Variants in SLC4A10 observed in about 807,000 individuals in gnomAD.
SLC4A10 encodes sodium-driven chloride bicarbonate exchanger.
A neutral mutation model predicts 137.7 loss-of-function variants in SLC4A10; 42 were observed. That is an observed-to-expected ratio of 0.30 (90% confidence interval 0.24 to 0.39). The LOEUF is 0.39. Among genes scored for constraint, SLC4A10 ranks in the 10% least tolerant of loss-of-function variants. The pLI is 1.00. For synonymous variants in SLC4A10, 474 were observed against 464.1 expected (o/e 1.02, Z -0.27); for missense variants, 925 against 1,355.0 (o/e 0.68, Z 4.98).
chr2:161,628,144 A>G, intron 1 of SLC4A10, among the ~76,000 whole-genome samples: 1 of 152,088 alleles, frequency 6.6e-6, no homozygotes, highest in Non-Finnish European at 1.5e-5. Flanking sequence ...TTCCTTTGAT[A>G]TTCAATGTTG....
intron 1 of SLC4A10, among the ~76,000 whole-genome samples, chr2:161,675,473 C>A (rs916264837): frequency 1.3e-5 from 2 of 152,102 alleles, no homozygotes; most frequent in Admixed American, 6.6e-5. Flanking sequence ...AAATTAACTT[C>A]ATTGATGTTT....
At chr2:161,873,615 C>G (rs955974421) in intron 7 of SLC4A10, among the ~76,000 whole-genome samples, 1 of 148,668 alleles carries the variant, frequency 6.7e-6, no homozygotes, top group African/African-American at 2.5e-5. Flanking sequence ...GTTAACAATT[C>G]TCTTTATCTG....
chr2:161,929,802 C>T (rs1689987891), intron 15 of SLC4A10, among the ~76,000 whole-genome samples: 1 of 151,810 alleles, frequency 6.6e-6, no homozygotes, highest in Non-Finnish European at 1.5e-5. Context: ...GAACCTGAGC[C>T]TTAAGAGATT....
chr2:161,902,799 G>A (rs62188819), intron 12 of SLC4A10, among the ~76,000 whole-genome samples: 1 of 151,964 alleles, frequency 6.6e-6, no homozygotes, highest in Non-Finnish European at 1.5e-5. Context: ...CAAATTCTAA[G>A]GAGAATTTAT....
At chr2:161,835,279 C>T (rs149235385) in intron 3 of SLC4A10, among the ~76,000 whole-genome samples, 2,181 of 152,150 alleles carry the variant, frequency 0.014, 25 homozygotes, top group Non-Finnish European at 0.022. Context: ...CCTTGTGATC[C>T]GTCCACCTCG....
At chr2:161,962,823 G>T (rs77543478) in intron 21 of SLC4A10, among the ~76,000 whole-genome samples, 3,557 of 152,124 alleles carry the variant, frequency 0.023, 131 homozygotes, top group African/African-American at 0.08. Flanking sequence ...TATACAAGCA[G>T]GTCTTGGTAA....
At chr2:161,851,607 A>C (rs1207248247) in intron 4 of SLC4A10, among the ~76,000 whole-genome samples, 2 of 152,158 alleles carry the variant, frequency 1.3e-5, no homozygotes, top group African/African-American at 4.8e-5. Flanking sequence ...ATGCTTTGTC[A>C]CTTATTTAGT....
intron 1 of SLC4A10, among the ~76,000 whole-genome samples, chr2:161,731,978 T>C (rs1319813911): frequency 1.3e-5 from 2 of 152,194 alleles, no homozygotes; most frequent in Admixed American, 6.5e-5. Flanking sequence ...CCTTTATATT[T>C]ACCAGTTTAT....
intron 26 of SLC4A10, among the ~76,000 whole-genome samples, chr2:161,981,693 G>A (rs1305892543): frequency 6.6e-6 from 1 of 152,210 alleles, no homozygotes; most frequent in Non-Finnish European, 1.5e-5. Context: ...ACAGATAGAG[G>A]AGTTAAAAAT....
At chr2:161,934,484 A>G (rs55885919) in intron 15 of SLC4A10, among the ~76,000 whole-genome samples, 10,212 of 152,290 alleles carry the variant, frequency 0.067, 444 homozygotes, top group East Asian at 0.13. Flanking sequence ...TCATGTTGAC[A>G]CAAATGACAG....
intron 3 of SLC4A10, among the ~76,000 whole-genome samples, chr2:161,825,188 T>G (rs1011986172): frequency 1.3e-5 from 2 of 152,178 alleles, no homozygotes; most frequent in African/African-American, 4.8e-5. Context: ...TCAAAAGTTA[T>G]ATACAGATTT....
intron 15 of SLC4A10, among the ~76,000 whole-genome samples, chr2:161,932,933 C>T (rs1323606799): frequency 6.6e-6 from 1 of 151,784 alleles, no homozygotes; most frequent in Non-Finnish European, 1.5e-5. Context: ...TCCATGAGTT[C>T]AGTCTTTTTA....
rs1036766469 is a variant in SLC4A10, at chr2:161,929,144, A to G, written c.1998-13648A>G. Among the ~76,000 whole-genome samples the G allele has an allele frequency of 3.9e-5, 6 of 152,358 alleles. No homozygotes were observed. In the East Asian group the frequency reaches 9.6e-4, roughly 24 times the overall value. ...AATTCTATTTGTTAGCAACCAAAAA[A>G]AAAGGATGTTTGCCACTTAATAAAC... On this transcript the variant is annotated intron_variant, in intron 15 of 26. Transcript: ENST00000446997.
In SLC4A10 at chr2:161,893,095, G is replaced by A. The variant is rs534784001; in HGVS notation, c.1195-1584G>A. ...AAAGCAATGTGATAAGTCACACATTGGTACTCATAACTTCCATTCAAAACT... is the reference window on the plus strand; with the variant it reads ...AAAGCAATGTGATAAGTCACACATTAGTACTCATAACTTCCATTCAAAACT... On this transcript the variant is annotated intron_variant, in intron 10 of 26. Coordinates refer to ENST00000446997, the MANE Select transcript of SLC4A10 (RefSeq NM_001178015.2). Among the ~76,000 whole-genome samples, 3 of 152,072 alleles carry A rather than the reference G, an allele frequency of 2.0e-5. No homozygotes were observed. The East Asian group carries it at 5.8e-4, about 29-fold the overall frequency.
At chr2:161,766,935 A>G (rs1015729708) in intron 1 of SLC4A10, among the ~76,000 whole-genome samples, 5 of 151,226 alleles carry the variant, frequency 3.3e-5, no homozygotes, top group Admixed American at 2.6e-4. Context: ...ACCACAGGCT[A>G]AAAAACATAT....
intron 19 of SLC4A10, among the ~76,000 whole-genome samples, chr2:161,955,310 A>G (rs1695461996): frequency 6.6e-6 from 1 of 152,194 alleles, no homozygotes. Flanking sequence ...GGATGATATT[A>G]TGGTCCTGGC....
chr2:161,876,493 A>G (rs1430388060), intron 8 of SLC4A10, among the ~76,000 whole-genome samples: 1 of 152,142 alleles, frequency 6.6e-6, no homozygotes, highest in Non-Finnish European at 1.5e-5. Context: ...AACCTAGGCA[A>G]CATGGTAAGA....
intron 1 of SLC4A10, among the ~76,000 whole-genome samples, chr2:161,631,908 T>A (rs1305632705): frequency 6.6e-6 from 1 of 151,686 alleles, no homozygotes; most frequent in Non-Finnish European, 1.5e-5. Context: ...CTTGATATAG[T>A]TTTGAATTAA....
intron 3 of SLC4A10, among the ~76,000 whole-genome samples, chr2:161,805,025 C>T (rs1344996727): frequency 6.6e-6 from 1 of 151,912 alleles, no homozygotes; most frequent in Admixed American, 6.6e-5. Flanking sequence ...GACAATTTAC[C>T]AAAATAAAAA....
Sources: gnomAD v4.1 joint callset for allele counts (sites outside exome capture counted in the v4.1 genomes callset) on GRCh38, gnomAD v4.1.1 for gene constraint, MANE v1.5 for transcripts, NCBI Gene and HGNC (gene_info 2026-07-23, HGNC 2026-07-21) for gene names.